The following ARPP21 variants were observed in gnomAD, a reference collection of about 807,000 sequenced individuals.
ARPP21 encodes the protein cAMP regulated phosphoprotein 21, also known as cAMP-regulated phosphoprotein 21.
ARPP21 carries 69 observed loss-of-function variants against 113.2 expected under a neutral mutation model. The observed-to-expected ratio is 0.61, with a 90% CI of 0.50 to 0.74. The LOEUF (loss-of-function observed/expected upper bound fraction) is 0.74. Among genes scored for constraint, ARPP21 ranks in the 30% least tolerant of loss-of-function variants. ARPP21 has a pLI of 0.00. For missense variants in ARPP21, 1,070 were observed against 1,037.4 expected (o/e 1.03, Z -0.43); for synonymous variants, 368 against 375.5 (o/e 0.98, Z 0.23).
rs2090180243 is a variant in ARPP21 at position 35,708,984 on chromosome 3, C to T, written c.811C>T (p.Pro271Ser). ...TTCTGTTCAGCAAAACAGAATGCAT[C>T]CATTTAGAGATGACAGACGAAGTAA... ...KEDNQQNRMH[P>S]FRDDRRSKSI... The change falls in exon 11 of 21, where the codon CCA becomes TCA. Residue 271 changes from proline (P) to serine (S), a missense_variant. Transcript: ENST00000684406. 16 of 1,612,836 alleles carry T rather than the reference C, an allele frequency of 9.9e-6. No individual in the cohort carries two copies. Among genetic ancestry groups the T allele is most frequent in the Non-Finnish European group, 1.4e-5 (16 of 1,179,142 alleles).
rs1294802045 is a variant in ARPP21, at chr3:35,662,570, G to A, written c.-212-17217G>A. Among the ~76,000 whole-genome samples, 4 of 152,300 alleles carry A rather than the reference G, an allele frequency of 2.6e-5. No homozygotes were observed. In the East Asian group the frequency reaches 5.8e-4, roughly 22 times the overall value. ...CAGTTCAGGCCAGAGGATGAGGACA[G>A]CCTCTGCTGATCCTGCAGAAAGCTC... On this transcript the variant is annotated intron_variant, in intron 1 of 20. Coordinates refer to ENST00000684406, the MANE Select transcript of ARPP21 (RefSeq NM_001385562.1).
At chr3:35,701,653 T>C (rs2086450055) in intron 9 of ARPP21, among the ~76,000 whole-genome samples, 1 of 151,660 alleles carries the variant, frequency 6.6e-6, no homozygotes, top group Admixed American at 6.6e-5. Flanking sequence ...AAAGAGATCT[T>C]CAGAGTGGAC....
intron 1 of ARPP21, among the ~76,000 whole-genome samples, chr3:35,663,826 A>C (rs908733575): frequency 2.6e-5 from 4 of 152,134 alleles, no homozygotes; most frequent in Admixed American, 6.5e-5. Flanking sequence ...TTGGACCTGG[A>C]ATGTGTGCTG....
At chr3:35,682,129 T>A (rs2079093221) in intron 3 of ARPP21, among the ~76,000 whole-genome samples, 1 of 151,862 alleles carries the variant, frequency 6.6e-6, no homozygotes, top group African/African-American at 2.4e-5. Context: ...AGCATCCCCT[T>A]ACCAATTTCC....
In ARPP21 at chr3:35,685,037, A is replaced by G. The variant is rs1436231137; in HGVS notation, c.261+1222A>G. The G allele has an allele frequency of 5.1e-6, 5 of 984,962 alleles. No homozygotes were observed. In the African/African-American group the frequency reaches 5.2e-5, roughly 10 times the overall value. The allele number at this position is 984,962 out of a possible 1,614,324, so 61.0% of individuals were successfully genotyped here. A position where few individuals can be genotyped will look rare whatever the true frequency, so the allele number is the denominator to read the frequency against. On this transcript the variant is annotated intron_variant, in intron 5 of 20. Coordinates refer to ENST00000684406, the MANE Select transcript of ARPP21 (RefSeq NM_001385562.1). ...ATTAAATGTTGATTGATGGCTTGTA[A>G]TGTACTGCACACAATATATGTTAAC...
At chr3:35,668,809 A>G (rs2075605261) in intron 1 of ARPP21, among the ~76,000 whole-genome samples, 1 of 152,154 alleles carries the variant, frequency 6.6e-6, no homozygotes, top group Non-Finnish European at 1.5e-5. Context: ...GAGATGCAAC[A>G]GGATCTCATT....
intron 19 of ARPP21, among the ~76,000 whole-genome samples, chr3:35,784,280 A>G (rs1247260467): frequency 6.6e-6 from 1 of 152,248 alleles, no homozygotes; most frequent in East Asian, 1.9e-4. Flanking sequence ...TGCCAGAGCT[A>G]TCTCATGCTG....
intron 9 of ARPP21, among the ~76,000 whole-genome samples, chr3:35,694,593 C>G (rs2149710478): frequency 6.6e-6 from 1 of 151,386 alleles, no homozygotes; most frequent in Non-Finnish European, 1.5e-5. Context: ...TGACTGGGAC[C>G]TAAACCAATG....
chr3:35,761,193 G>A (rs1055202216), intron 19 of ARPP21, among the ~76,000 whole-genome samples: 8 of 152,018 alleles, frequency 5.3e-5, no homozygotes, highest in African/African-American at 1.7e-4. Context: ...TTTCTTCCAC[G>A]TTTTCAAAGG....
At position 35,730,403 on chromosome 3, in the gene ARPP21, G is replaced by A. The variant is rs570411295; in HGVS notation, c.1459+867G>A. 2.0e-5 allele frequency among the ~76,000 whole-genome samples: 3 copies of A among 152,320 alleles called. No individual in the cohort carries two copies. In the East Asian group the frequency reaches 5.8e-4, roughly 29 times the overall value. On this transcript the variant is annotated intron_variant, in intron 15 of 20. Transcript: ENST00000684406. ...ATTATTATGACCTGGGGAGAAGAGGGCTGCTATTGACACCCAGTAGGTAGA... is the reference window on the plus strand; with the variant it reads ...ATTATTATGACCTGGGGAGAAGAGGACTGCTATTGACACCCAGTAGGTAGA...
chr3:35,661,179 G>T (rs981949087), intron 1 of ARPP21, among the ~76,000 whole-genome samples: 1 of 152,114 alleles, frequency 6.6e-6, no homozygotes, highest in Non-Finnish European at 1.5e-5. Context: ...CCAGGAGAGC[G>T]AGTGCTTTAC....
intron 9 of ARPP21, among the ~76,000 whole-genome samples, chr3:35,699,415 A>G (rs2085391814): frequency 1.3e-5 from 2 of 151,684 alleles, no homozygotes; most frequent in South Asian, 4.1e-4. Context: ...CTTGAAGGTG[A>G]GATTCTGGTT....
chr3:35,770,364 G>A (rs952038237), intron 19 of ARPP21, among the ~76,000 whole-genome samples: 2 of 152,118 alleles, frequency 1.3e-5, no homozygotes, highest in Admixed American at 6.6e-5. Flanking sequence ...TAGTAAAATG[G>A]TTCAGCATTC....
chr3:35,758,895 G>C (rs1425930121), intron 19 of ARPP21, among the ~76,000 whole-genome samples: 1 of 151,844 alleles, frequency 6.6e-6, no homozygotes, highest in East Asian at 1.9e-4. Context: ...TGTGTGGGTG[G>C]TGGGTGGATA....
In ARPP21 at chr3:35,729,406, A is replaced by C. The variant is rs577738873; in HGVS notation, c.1329A>C (p.Pro443=). ...TCTCAGGTGTGGCAGCTGGCTCTCC[A>C]GGCTGTGTGCCTTATCCAGAGAATG... ...PLVSGVAAGS[P]GCVPYPENGI... The change falls in exon 15 of 21, where the codon CCA becomes CCC. Residue 443 remains proline, a synonymous_variant. Transcript: ENST00000684406. 1.2e-6 allele frequency: 2 copies of C among 1,614,076 alleles called. No homozygotes were observed. Among genetic ancestry groups the C allele is most frequent in the African/African-American group, 2.7e-5 (2 of 75,012 alleles).
At chr3:35,684,367 A>G (rs1458736989) in intron 5 of ARPP21, 2 of 1,006,820 alleles carry the variant, frequency 2.0e-6, no homozygotes, top group Non-Finnish European at 2.4e-6. Flanking sequence ...GGTGACTTTA[A>G]GTTAATATTA....
chr3:35,664,324 G>C (rs186427248), intron 1 of ARPP21, among the ~76,000 whole-genome samples: 180 of 152,058 alleles, frequency 1.2e-3, no homozygotes, highest in African/African-American at 4.0e-3. Flanking sequence ...CTCTCTTCTC[G>C]CTATTTGGAA....
chr3:35,720,962 A>G (rs2093004533), intron 13 of ARPP21, among the ~76,000 whole-genome samples: 1 of 152,230 alleles, frequency 6.6e-6, no homozygotes, highest in Admixed American at 6.5e-5. Context: ...TTTCTACGTG[A>G]AAATAATTAA....
intron 19 of ARPP21, among the ~76,000 whole-genome samples, chr3:35,781,209 A>T (rs557446853): frequency 6.6e-6 from 1 of 152,304 alleles, no homozygotes; most frequent in African/African-American, 2.4e-5. Flanking sequence ...AAAAATACTC[A>T]TGGCTTCATT....
Sources: allele counts gnomAD v4.1 joint callset (sites outside exome capture counted in the v4.1 genomes callset), GRCh38; gene constraint gnomAD v4.1.1; transcripts MANE v1.5; gene names NCBI Gene and HGNC (gene_info 2026-07-23, HGNC 2026-07-21).